PLD2: variants seen among roughly 807,000 people sequenced by gnomAD.
PLD2 encodes the protein choline phosphatase 2.
Under a neutral mutation model 119.8 loss-of-function variants are expected in PLD2, and 101 were observed. The observed-to-expected ratio is 0.84, with a 90% confidence interval of 0.72 to 0.99. The LOEUF is 0.99. Ranked by LOEUF, PLD2 falls within the 50% of genes least tolerant of loss-of-function variation. PLD2 has a pLI of 0.00. For missense variants in PLD2, 1,164 were observed against 1,226.8 expected (o/e 0.95, Z 0.76); for synonymous variants, 494 against 482.8 (o/e 1.02, Z -0.30).
At position 4,818,305 on chromosome 17, in the gene PLD2, C is replaced by G. The variant is rs1294975227; in HGVS notation, c.1929C>G (p.Phe643Leu). 3.1e-6 allele frequency: 5 copies of G among 1,613,594 alleles called. No homozygotes were observed. In the South Asian group the frequency reaches 4.4e-5, roughly 14 times the overall value. Residue 643 changes from phenylalanine to leucine, a missense_variant, in exon 19 of 25, where the codon TTC becomes TTG. Physicochemically the swap from Phe to Leu is conservative, Grantham distance 22 (BLOSUM62 0). Coordinates refer to ENST00000263088, the MANE Select transcript of PLD2 (RefSeq NM_002663.5). ...SQHFLYIENQ[F>L]FISCSDGRTV... The stretch of plus-strand genomic sequence containing the variant: ...TCTGATTCTTGCCCCAGAATCAGTT[C>G]TTCATTAGCTGCTCAGATGGGCGGA...
chr17:4,811,906 C>T (rs540496202), intron 10 of PLD2, among the ~76,000 whole-genome samples: 1 of 152,232 alleles, frequency 6.6e-6, no homozygotes, highest in African/African-American at 2.4e-5. Flanking sequence ...CTTCAACCTC[C>T]CAGGCTCAAA....
rs758645191 is a variant in PLD2 at position 4,818,764 on chromosome 17, T to C, written c.2124-10T>C. 22 of 1,614,072 alleles carry C rather than the reference T, an allele frequency of 1.4e-5. No homozygotes were observed. In the Middle Eastern group the frequency reaches 4.9e-4, roughly 36 times the overall value. ...AGCCTCCACTTCTCTCCCTCTTTCTTTTCTCTCAGGACCCTGTGTCGTGGG... is the reference window on the plus strand; with the variant it reads ...AGCCTCCACTTCTCTCCCTCTTTCTCTTCTCTCAGGACCCTGTGTCGTGGG... On this transcript the variant is annotated splice_polypyrimidine_tract_variant and intron_variant, in intron 20 of 24. Transcript: ENST00000263088.
In PLD2 at chr17:4,821,866, TG is replaced by T. The variant is rs778310804; in HGVS notation, c.2538del (p.Trp846CysfsTer66). ...CATCTGTGATGACTTCTTCCAGTTG[TG>T]GCAAGACATGGCTGAGAGCAACGCC... is the stretch of plus-strand genomic sequence containing the variant. ...DPICDDFFQL[W>X]QDMAESNANI... On this transcript the variant is annotated frameshift_variant, in exon 24 of 25. Coordinates refer to ENST00000263088, the MANE Select transcript of PLD2 (RefSeq NM_002663.5). LOFTEE classifies it high-confidence loss of function. The T allele has an allele frequency of 6.2e-7, 1 of 1,613,428 alleles. No individual in the cohort carries two copies. The highest frequency in any genetic ancestry group is 8.5e-7 in the Non-Finnish European group (1 of 1,179,794).
chr17:4,818,708 C>T (rs2150678878), intron 20 of PLD2, 66 bp from the exon 21 acceptor site: 1 of 1,589,286 alleles, frequency 6.3e-7, no homozygotes, highest in Non-Finnish European at 8.6e-7. Context: ...TAAAGAAGGG[C>T]CACCTCTCCT....
In PLD2 at chr17:4,819,241, T is replaced by A; in HGVS notation, c.2308+23T>A. ...TTGGTCAGTGCCGGATCTAGTCCTC[T>A]GGCAGGGAGAGGGTGTGGGGACAGG... is the stretch of plus-strand genomic sequence containing the variant. On this transcript the variant is annotated intron_variant, in intron 22 of 24. Transcript: ENST00000263088. The surrounding 1 kb of genome is among the most constrained non-coding windows in gnomAD (Gnocchi z 4.2). 1 of 1,612,964 alleles carries A rather than the reference T, an allele frequency of 6.2e-7. No individual in the cohort carries two copies. Among genetic ancestry groups the A allele is most frequent in the Non-Finnish European group, 8.5e-7 (1 of 1,179,594 alleles).
At position 4,818,081 on chromosome 17, in the gene PLD2, A is replaced by G. The variant is rs17854914; in HGVS notation, c.1895A>G (p.Glu632Gly). 205,206 of 1,612,762 alleles carry G rather than the reference A, an allele frequency of 0.13. 14,108 individuals carry two copies. The highest frequency in any genetic ancestry group is 0.14 in the Non-Finnish European group (166,059 of 1,178,762). ...ILNAYLHTIR[E>G]SQHFLYIENQ... is the part of the protein sequence containing the mutation. ...AATGCCTACCTGCACACCATCAGGGAGAGCCAGCACTTCCTCTACATTGAG... is the reference window on the plus strand; with the variant it reads ...AATGCCTACCTGCACACCATCAGGGGGAGCCAGCACTTCCTCTACATTGAG... Residue 632 changes from glutamate (E) to glycine (G), a missense_variant, in exon 18 of 25, where the codon GAG becomes GGG. By Grantham distance (98) the Glu-to-Gly change is moderately conservative. Coordinates refer to ENST00000263088, the MANE Select transcript of PLD2 (RefSeq NM_002663.5).
intron 14 of PLD2, 84 bp downstream of exon 14, chr17:4,816,018 TCA>T: frequency 9.5e-7 from 1 of 1,047,314 alleles, no homozygotes; most frequent in Non-Finnish European, 1.5e-6. Context: ...CCTTACCCCC[TCA>T]GTCATTCCAG....
chr17:4,821,211 AT>A (rs1343497050), intron 23 of PLD2, among the ~76,000 whole-genome samples: 4 of 151,670 alleles, frequency 2.6e-5, no homozygotes, highest in African/African-American at 9.7e-5. Flanking sequence ...CAAAAAAAAA[AT>A]CTTTTAAAAG....
In PLD2 at chr17:4,808,048, G is replaced by A; in HGVS notation, c.174G>A (p.Val58=). The A allele has an allele frequency of 6.2e-7, 1 of 1,612,824 alleles. No homozygotes were observed. Among genetic ancestry groups the A allele is most frequent in the Middle Eastern group, 1.7e-4 (1 of 6,056 alleles). The change falls in exon 3 of 25, where the codon GTG becomes GTA. Residue 58 remains valine, a synonymous_variant. Transcript: ENST00000263088. The surrounding 1 kb of genome is among the most constrained non-coding windows in gnomAD (Gnocchi z 4.1). ...ELQSLKVHPL[V]FAPGVPVTAQ... is the part of the protein sequence containing the mutation. ...AGTCTCTGAAAGTGCACCCCTTGGT[G>A]TTCGCACCTGGGGTCCCTGTCACAG...
In PLD2 at chr17:4,808,105, C is replaced by T. The variant is rs1906059295; in HGVS notation, c.231C>T (p.Ser77=). 6.2e-7 allele frequency: 1 copy of T among 1,609,420 alleles called. No homozygotes were observed. The highest frequency in any genetic ancestry group is 1.3e-5 in the African/African-American group (1 of 74,946). ...TGGTGGGCACCGAAAGATATACCAG[C>T]GGATCCAAGGTGGCCAGACTGGCCC... ...AQVVGTERYT[S]GSKVGTCTLY... is the part of the protein sequence containing the mutation. The change falls in exon 3 of 25, where the codon AGC becomes AGT. Residue 77 remains serine (S), a synonymous_variant. Transcript: ENST00000263088. The surrounding 1 kb of genome is among the most constrained non-coding windows in gnomAD (Gnocchi z 4.1).
intron 24 of PLD2, among the ~76,000 whole-genome samples, chr17:4,822,236 T>C (rs1907755241): frequency 6.6e-6 from 1 of 152,078 alleles, no homozygotes; most frequent in East Asian, 1.9e-4. Context: ...GGAGAATCTC[T>C]TGAACTCAGG....
chr17:4,811,708 C>T (rs1205330323), intron 10 of PLD2, among the ~76,000 whole-genome samples: 4 of 152,202 alleles, frequency 2.6e-5, no homozygotes, highest in Non-Finnish European at 5.9e-5. Flanking sequence ...GAAGGTGACA[C>T]GCACAGACAG....
At chr17:4,815,408 G>A in intron 12 of PLD2, 68 bp from the exon 13 acceptor site, 1 of 937,602 alleles carries the variant, frequency 1.1e-6, no homozygotes, top group Non-Finnish European at 1.8e-6. Context: ...CGTGGAAAAG[G>A]TTTGGGAGTG....
intron 14 of PLD2, among the ~76,000 whole-genome samples, chr17:4,816,337 T>G (rs950278138): frequency 6.6e-6 from 1 of 150,956 alleles, no homozygotes; most frequent in Non-Finnish European, 1.5e-5. Context: ...GAGCCGAGAT[T>G]GTGCCATTGT....
intron 8 of PLD2, 27 bp from the exon 9 acceptor site, chr17:4,809,849 AG>A: frequency 6.2e-7 from 1 of 1,614,044 alleles, no homozygotes; most frequent in Non-Finnish European, 8.5e-7. Flanking sequence ...GAGGGCAGAG[AG>A]GAACACACGG....
In PLD2 at chr17:4,816,672, A is replaced by C. The variant is rs1907004619; in HGVS notation, c.1508A>C (p.Gln503Pro). The change falls in exon 15 of 25, where the codon CAA becomes CCA. Residue 503 changes from glutamine to proline, a missense_variant. Gln to Pro is a moderately conservative substitution (Grantham distance 76, BLOSUM62 -1). Transcript: ENST00000263088. ...SPATPDLSHN[Q>P]FFWLGKDYSN... is the part of the protein sequence containing the mutation. ...GCCACCCCAGACCTCTCTCACAACC[A>C]ATTCTTCTGGCTGGGCAAGGACTAC... is the stretch of plus-strand genomic sequence containing the variant. 1 of 1,613,542 alleles carries C rather than the reference A, an allele frequency of 6.2e-7. No individual in the cohort carries two copies. The highest frequency in any genetic ancestry group is 8.5e-7 in the Non-Finnish European group (1 of 1,179,932).
At chr17:4,815,046 G>A (rs929831037) in intron 12 of PLD2, among the ~76,000 whole-genome samples, 1 of 152,120 alleles carries the variant, frequency 6.6e-6, no homozygotes, top group African/African-American at 2.4e-5. Context: ...CTGCCATGGA[G>A]GGGGCATGTG....
rs1311125618 is a variant in PLD2 at position 4,808,607 on chromosome 17, T to C, written c.383+191T>C. Among the ~76,000 whole-genome samples the C allele has an allele frequency of 6.6e-6, 1 of 152,180 alleles. No homozygotes were observed. The highest frequency in any genetic ancestry group is 2.4e-5 in the African/African-American group (1 of 41,444). On this transcript the variant is annotated intron_variant, in intron 4 of 24. Coordinates refer to ENST00000263088, the MANE Select transcript of PLD2 (RefSeq NM_002663.5). The surrounding 1 kb of genome is among the most constrained non-coding windows in gnomAD (Gnocchi z 4.1). ...CATGGTTCTGTGCCAGCATCTCAGC[T>C]GGGCGGGATGCCCAAAATGCTCTTG...
intron 10 of PLD2, chr17:4,814,073 G>A: frequency 4.8e-6 from 1 of 207,112 alleles, no homozygotes; most frequent in Non-Finnish European, 9.6e-6. Flanking sequence ...GCCACGATTG[G>A]CCATTTTAAT....
Sources: gnomAD v4.1 joint callset for allele counts (sites outside exome capture counted in the v4.1 genomes callset) on GRCh38, gnomAD v4.1.1 for gene constraint, Gnocchi (gnomAD v3.1) non-coding constraint, MANE v1.5 for transcripts, NCBI Gene and HGNC (gene_info 2026-07-23, HGNC 2026-07-21) for gene names.